MEGF9: variants seen among roughly 807,000 people sequenced by gnomAD.
MEGF9 encodes the protein multiple EGF like domains 9.
In MEGF9, 6 loss-of-function variants were observed where a neutral mutation model predicts 46.8. That is an observed-to-expected ratio of 0.13 (90% CI 0.07 to 0.25). MEGF9 has a LOEUF of 0.25. Among genes scored for constraint, MEGF9 ranks in the 10% least tolerant of loss-of-function variants. The pLI is 1.00. For synonymous variants in MEGF9, 302 were observed against 330.7 expected (o/e 0.91, Z 0.94); for missense variants, 683 against 792.4 (o/e 0.86, Z 1.66).
intron 2 of MEGF9, among the ~76,000 whole-genome samples, chr9:120,645,637 CTT>C (rs2043622919): frequency 2.0e-5 from 3 of 152,132 alleles, no homozygotes; most frequent in Admixed American, 6.5e-5. Context: ...GAGTACTTGA[CTT>C]TATGCTATTT....
chr9:120,651,812 C>G lies in MEGF9; in HGVS notation c.803+7562G>C, dbSNP rs1382228527. ...GGATTACAGGCACCCGCCAGCATGC[C>G]CGGCTAATTTTTGTATTTTTAGTAG... On this transcript the variant is annotated intron_variant, in intron 2 of 5. Coordinates refer to ENST00000373930, the MANE Select transcript of MEGF9 (RefSeq NM_001080497.3). 2.6e-5 allele frequency among the ~76,000 whole-genome samples: 4 copies of G among 151,508 alleles called. No individual in the cohort carries two copies. In the East Asian group the frequency reaches 7.8e-4, roughly 29 times the overall value.
intron 2 of MEGF9, among the ~76,000 whole-genome samples, chr9:120,652,532 G>C (rs1456017031): frequency 7.5e-6 from 1 of 134,006 alleles, no homozygotes; most frequent in East Asian, 2.3e-4. Context: ...ACCAAAAAGA[G>C]ATTCAACTAG....
chr9:120,666,675 G>A (rs879440314), intron 1 of MEGF9, among the ~76,000 whole-genome samples: 21 of 152,146 alleles, frequency 1.4e-4, no homozygotes, highest in Non-Finnish European at 2.4e-4. Context: ...AAAAGTTATA[G>A]TCACACAAAA....
At chr9:120,692,430 G>T (rs2043852804) in intron 1 of MEGF9, among the ~76,000 whole-genome samples, 1 of 152,184 alleles carries the variant, frequency 6.6e-6, no homozygotes, top group African/African-American at 2.4e-5. Context: ...TGATGGAAAA[G>T]ATTTAAAGAG....
intron 1 of MEGF9, among the ~76,000 whole-genome samples, chr9:120,668,403 T>C (rs73540334): frequency 0.059 from 8,906 of 151,974 alleles, 861 homozygotes; most frequent in African/African-American, 0.2. Flanking sequence ...AAGCTTTAAG[T>C]TTTGTTTGAA....
In MEGF9 at chr9:120,694,754, G is replaced by C. The variant is rs571129913; in HGVS notation, c.601+19004C>G. On this transcript the variant is annotated intron_variant, in intron 1 of 5. Coordinates refer to ENST00000373930, the MANE Select transcript of MEGF9 (RefSeq NM_001080497.3). ...TTTGTGGCTAGTGACTATCATGGTA[G>C]GTCTAGGAAAAAATTTCAAATTGCC... 2.6e-5 allele frequency among the ~76,000 whole-genome samples: 4 copies of C among 152,184 alleles called. No individual in the cohort carries two copies. In the South Asian group the frequency reaches 8.3e-4, roughly 32 times the overall value.
chr9:120,694,961 C>G (rs954628161), intron 1 of MEGF9, among the ~76,000 whole-genome samples: 2 of 150,566 alleles, frequency 1.3e-5, no homozygotes, highest in Non-Finnish European at 2.9e-5. Context: ...TAGGGGTATT[C>G]ACTTATTTAA....
chr9:120,674,886 T>TTC, intron 1 of MEGF9, among the ~76,000 whole-genome samples: 1 of 148,746 alleles, frequency 6.7e-6, no homozygotes, highest in African/African-American at 2.5e-5. Flanking sequence ...TTCTATTTTT[T>TTC]TTTTTTTTTC....
At chr9:120,710,548 T>C (rs1416256041) in intron 1 of MEGF9, among the ~76,000 whole-genome samples, 1 of 152,096 alleles carries the variant, frequency 6.6e-6, no homozygotes, top group Non-Finnish European at 1.5e-5. Context: ...TCAGTGTCCT[T>C]GTAAACAAAA....
chr9:120,623,428 T>A (rs1346872646), intron 2 of MEGF9, among the ~76,000 whole-genome samples: 9 of 152,234 alleles, frequency 5.9e-5, no homozygotes, highest in Non-Finnish European at 2.9e-5. Context: ...TAACAAAGGC[T>A]GAGAAATCTT....
chr9:120,631,402 A>G (rs2043549999), intron 2 of MEGF9, among the ~76,000 whole-genome samples: 1 of 151,920 alleles, frequency 6.6e-6, no homozygotes, highest in Non-Finnish European at 1.5e-5. Flanking sequence ...TTTGAAGTCC[A>G]GCAGTGTGTT....
intron 1 of MEGF9, among the ~76,000 whole-genome samples, chr9:120,693,346 T>C (rs544048394): frequency 2.0e-5 from 3 of 149,114 alleles, no homozygotes; most frequent in African/African-American, 4.9e-5. Context: ...CCATTGCAGA[T>C]TGGTTAAGCA....
At chr9:120,690,338 A>T (rs2043842712) in intron 1 of MEGF9, among the ~76,000 whole-genome samples, 1 of 152,148 alleles carries the variant, frequency 6.6e-6, no homozygotes, top group Non-Finnish European at 1.5e-5. Flanking sequence ...CCAAGAAAGC[A>T]ATGAACTTTC....
intron 2 of MEGF9, among the ~76,000 whole-genome samples, chr9:120,628,319 C>T (rs1305015366): frequency 6.6e-6 from 1 of 151,932 alleles, no homozygotes; most frequent in East Asian, 1.9e-4. Context: ...GATCATTATG[C>T]AATAAGCGAG....
chr9:120,608,397 C>G (rs948493207), intron 4 of MEGF9, among the ~76,000 whole-genome samples: 5 of 152,156 alleles, frequency 3.3e-5, no homozygotes, highest in African/African-American at 1.2e-4. Context: ...TGGGTTGGCA[C>G]TCTCATAATT....
At chr9:120,684,462 T>C (rs1317182101) in intron 1 of MEGF9, among the ~76,000 whole-genome samples, 1 of 152,214 alleles carries the variant, frequency 6.6e-6, no homozygotes. Flanking sequence ...GGGGTTATCT[T>C]ACTTTGTGTT....
At chr9:120,687,782 T>TAA (rs74313276) in intron 1 of MEGF9, among the ~76,000 whole-genome samples, 6 of 80,876 alleles carry the variant, frequency 7.4e-5, no homozygotes, top group Middle Eastern at 9.3e-3. Context: ...GAAAAAGAGA[T>TAA]AAAAAAAAAA....
chr9:120,668,291 C>T (rs540474018), intron 1 of MEGF9, among the ~76,000 whole-genome samples: 1 of 152,248 alleles, frequency 6.6e-6, no homozygotes, highest in African/African-American at 2.4e-5. Context: ...GGTATTGCCA[C>T]AAATCTTTGA....
At position 120,604,917 on chromosome 9, in the gene MEGF9, C is replaced by T; in HGVS notation, c.*273G>A. The T allele has an allele frequency of 2.4e-6, 1 of 424,078 alleles. No homozygotes were observed. Among genetic ancestry groups the T allele is most frequent in the Non-Finnish European group, 4.2e-6 (1 of 237,140 alleles). 26.3% of individuals were successfully genotyped at this position (424,078 alleles called of 1,614,324 possible). A position where few individuals can be genotyped will look rare whatever the true frequency, so the allele number is the denominator to read the frequency against. On this transcript the variant is annotated 3_prime_UTR_variant, in exon 6 of 6. Coordinates refer to ENST00000373930, the MANE Select transcript of MEGF9 (RefSeq NM_001080497.3). ...TGGAGGTCAAAGTGGTTTTGGGCTG[C>T]ACTATGGGGTTCAGCCTTTCCATAC...
Sources: allele counts gnomAD v4.1 joint callset (sites outside exome capture counted in the v4.1 genomes callset), GRCh38; gene constraint gnomAD v4.1.1; transcripts MANE v1.5; gene names NCBI Gene and HGNC (gene_info 2026-07-23, HGNC 2026-07-21).